Variants in PRDM16 observed in about 807,000 individuals in gnomAD.
PRDM16 encodes the protein histone-lysine N-methyltransferase PRDM16.
Under a neutral mutation model 110.6 loss-of-function variants are expected in PRDM16, and 23 were observed. That is an observed-to-expected ratio of 0.21 (90% CI 0.15 to 0.29). PRDM16 has a LOEUF of 0.29. Among genes scored for constraint, PRDM16 ranks in the 10% least tolerant of loss-of-function variants. The probability of loss-of-function intolerance (pLI) is 1.00; values close to 1 mark genes in which losing one functional copy is unlikely to be tolerated. For missense variants in PRDM16, 1,615 were observed against 1,794.3 expected, an observed-to-expected ratio of 0.90 and a Z score of 1.81; for synonymous variants, 799 against 781.8, an observed-to-expected ratio of 1.02 and a Z score of -0.37.
At chr1:3,124,382 G>A (rs1643160372) in intron 1 of PRDM16, among the ~76,000 whole-genome samples, 1 of 152,208 alleles carries the variant, frequency 6.6e-6, no homozygotes, top group Admixed American at 6.5e-5. Context: ...GTGGTTCTTG[G>A]CCTGGCTGGG....
At chr1:3,103,401 CTT>C (rs1049743548) in intron 1 of PRDM16, among the ~76,000 whole-genome samples, 21 of 152,206 alleles carry the variant, frequency 1.4e-4, no homozygotes, top group African/African-American at 5.1e-4. Context: ...TTAGTCGTCT[CTT>C]TAGAGACCCT....
intron 8 of PRDM16, among the ~76,000 whole-genome samples, chr1:3,409,896 T>C (rs1476892459): frequency 9.1e-6 from 1 of 110,288 alleles, no homozygotes; most frequent in African/African-American, 3.8e-5. Context: ...TGCATGTGTG[T>C]GGTGTGGTTG....
intron 3 of PRDM16, among the ~76,000 whole-genome samples, chr1:3,313,930 C>T (rs1192381967): frequency 2.6e-5 from 4 of 152,188 alleles, no homozygotes; most frequent in Admixed American, 6.5e-5. Flanking sequence ...GATTTATTGC[C>T]GATTGTGGGG....
Position 3,157,188 on chromosome 1 carries a change from G to C in PRDM16, c.38-28937G>C, listed in dbSNP as rs12731053. Among the ~76,000 whole-genome samples, 5 of 152,116 alleles carry C rather than the reference G, an allele frequency of 3.3e-5. No individual in the cohort carries two copies. The highest frequency in any genetic ancestry group is 7.4e-5 in the Non-Finnish European group (5 of 68,018). ...GGGACCTGGAGAAGGAGGGCCGCTCGGCAACCGCTGAGCCGGCGCAAGAGC... is the reference window on the plus strand; with the variant it reads ...GGGACCTGGAGAAGGAGGGCCGCTCCGCAACCGCTGAGCCGGCGCAAGAGC... On this transcript the variant is annotated intron_variant, in intron 1 of 16. Coordinates refer to ENST00000270722, the MANE Select transcript of PRDM16 (RefSeq NM_022114.4). The surrounding 1 kb of genome is among the most constrained non-coding windows in gnomAD (Gnocchi z 4.8).
intron 3 of PRDM16, among the ~76,000 whole-genome samples, chr1:3,364,167 G>A (rs1446145814): frequency 6.6e-6 from 1 of 152,134 alleles, no homozygotes; most frequent in African/African-American, 2.4e-5. Context: ...GAAGGGAATA[G>A]GGGTCAGACC....
Position 3,158,257 on chromosome 1 carries a change from C to T in PRDM16, c.38-27868C>T, listed in dbSNP as rs371026436. Among the ~76,000 whole-genome samples, 8 of 152,262 alleles carry T rather than the reference C, an allele frequency of 5.3e-5. No homozygotes were observed. The South Asian group carries it at 1.5e-3, about 28-fold the overall frequency. ...CTCTGGGCATTCTAGAGGCACACTG[C>T]GAAGGGGAAAAGGGCCTGACCTCAA... On this transcript the variant is annotated intron_variant, in intron 1 of 16. Transcript: ENST00000270722.
At chr1:3,374,189 C>T (rs1379876556) in intron 3 of PRDM16, among the ~76,000 whole-genome samples, 4 of 152,320 alleles carry the variant, frequency 2.6e-5, no homozygotes, top group African/African-American at 4.8e-5. Context: ...GCTGCTGCTT[C>T]CACCCCTGCC....
At chr1:3,319,110 A>G (rs1641681232) in intron 3 of PRDM16, among the ~76,000 whole-genome samples, 1 of 152,108 alleles carries the variant, frequency 6.6e-6, no homozygotes, top group Non-Finnish European at 1.5e-5. Flanking sequence ...GGGAGCAAAA[A>G]CACTTTTCAG....
intron 1 of PRDM16, among the ~76,000 whole-genome samples, chr1:3,091,257 G>T (rs1447852914): frequency 6.6e-6 from 1 of 152,206 alleles, no homozygotes; most frequent in African/African-American, 2.4e-5. Flanking sequence ...GAAACCCAGG[G>T]TATGCGGATG....
intron 4 of PRDM16, among the ~76,000 whole-genome samples, chr1:3,389,962 C>CACTGGCT (rs1643271386): frequency 7.0e-6 from 1 of 143,080 alleles, no homozygotes; most frequent in Non-Finnish European, 1.6e-5. Flanking sequence ...CCCCCCCCCC[C>CACTGGCT]CCCACCCTCT....
Position 3,404,721 on chromosome 1 carries a change from G to C in PRDM16, c.885-18G>C. The stretch of plus-strand genomic sequence containing the variant: ...GGCAGGTAGTCGGGCCCCGCAGTGA[G>C]CCTCGTCCTCTGCGCAGCCTGGAGC... On this transcript the variant is annotated intron_variant, in intron 6 of 16. Coordinates refer to ENST00000270722, the MANE Select transcript of PRDM16 (RefSeq NM_022114.4). The C allele has an allele frequency of 1.2e-6, 2 of 1,612,666 alleles. No individual in the cohort carries two copies. Among genetic ancestry groups the C allele is most frequent in the Non-Finnish European group, 1.7e-6 (2 of 1,179,820 alleles).
At chr1:3,123,801 T>G (rs974049866) in intron 1 of PRDM16, among the ~76,000 whole-genome samples, 2 of 152,230 alleles carry the variant, frequency 1.3e-5, no homozygotes, top group Non-Finnish European at 2.9e-5. Context: ...AGACATCAAG[T>G]CCGAGCTCCG....
intron 2 of PRDM16, among the ~76,000 whole-genome samples, chr1:3,191,052 C>T (rs1569810971): frequency 6.6e-6 from 1 of 152,130 alleles, no homozygotes; most frequent in South Asian, 2.1e-4. Flanking sequence ...CTGTCTCCCA[C>T]CCAAGGTCTG....
chr1:3,314,059 G>A (rs975099143), intron 3 of PRDM16, among the ~76,000 whole-genome samples: 1 of 132,318 alleles, frequency 7.6e-6, no homozygotes, highest in Admixed American at 7.5e-5. Flanking sequence ...CCCGAATGCC[G>A]TCCTTCCCCA....
chr1:3,093,707 G>A (rs1273648596), intron 1 of PRDM16, among the ~76,000 whole-genome samples: 1 of 152,204 alleles, frequency 6.6e-6, no homozygotes, highest in Non-Finnish European at 1.5e-5. Flanking sequence ...AGCCGGGCAG[G>A]GAGGGACCCC....
chr1:3,389,284 G>A (rs954474735), intron 4 of PRDM16, among the ~76,000 whole-genome samples: 2 of 152,216 alleles, frequency 1.3e-5, no homozygotes, highest in African/African-American at 2.4e-5. Flanking sequence ...GACGGAGGCA[G>A]GACCGGCTAA....
intron 3 of PRDM16, among the ~76,000 whole-genome samples, chr1:3,381,127 C>G (rs1643094501): frequency 6.6e-6 from 1 of 152,236 alleles, no homozygotes; most frequent in Non-Finnish European, 1.5e-5. Context: ...AGGCTTCTCG[C>G]CGCGTTCCCC....
chr1:3,299,421 C>T lies in PRDM16; in HGVS notation c.438+55284C>T, dbSNP rs78026586. Among the ~76,000 whole-genome samples, 6 of 84,918 alleles carry T rather than the reference C, an allele frequency of 7.1e-5. 1 individual carries two copies. Among genetic ancestry groups the T allele is most frequent in the African/African-American group, 1.4e-4 (4 of 28,356 alleles). 55.7% of individuals were successfully genotyped at this position (84,918 alleles called of 152,430 possible). A position where few individuals can be genotyped will look rare whatever the true frequency, so the allele number is the denominator to read the frequency against. On this transcript the variant is annotated intron_variant, in intron 3 of 16. Transcript: ENST00000270722. ...CTTGTTGAAGATGCTATGCTGTGGC[C>T]GTGATGTTTCCGATCCCAGTCGTGG...
rs569905243 is a variant in PRDM16 at position 3,244,587 on chromosome 1, A to G, written c.438+450A>G. On this transcript the variant is annotated intron_variant, in intron 3 of 16. Coordinates refer to ENST00000270722, the MANE Select transcript of PRDM16 (RefSeq NM_022114.4). The surrounding 1 kb of genome is among the most constrained non-coding windows in gnomAD (Gnocchi z 4.1). ...AGCTTCCAAAGAAGCATCGTTTTAA[A>G]TAAGCAAAACCACGAGGCGAGAGAA... 6.6e-6 allele frequency among the ~76,000 whole-genome samples: 1 copy of G among 152,340 alleles called. No individual in the cohort carries two copies. The highest frequency in any genetic ancestry group is 2.1e-4 in the South Asian group (1 of 4,828).
Sources: allele counts gnomAD v4.1 joint callset (sites outside exome capture counted in the v4.1 genomes callset), GRCh38; gene constraint gnomAD v4.1.1; non-coding constraint Gnocchi (gnomAD v3.1); transcripts MANE v1.5; gene names NCBI Gene and HGNC (gene_info 2026-07-23, HGNC 2026-07-21).